Variants in NT5DC3 observed in about 807,000 individuals in gnomAD.
NT5DC3 encodes 5'-nucleotidase domain containing 3.
Under a neutral mutation model 67.8 loss-of-function variants are expected in NT5DC3, and 42 were observed. The observed-to-expected ratio is 0.62, with a 90% confidence interval of 0.48 to 0.80. NT5DC3 has a LOEUF of 0.80. NT5DC3 is among the 30% of genes least tolerant of loss of function. The probability of loss-of-function intolerance (pLI) is 0.00; values close to 1 mark genes in which losing one functional copy is unlikely to be tolerated. For missense variants in NT5DC3, 570 were observed against 696.4 expected, an observed-to-expected ratio of 0.82 and a Z score of 2.04; for synonymous variants, 237 against 255.6, an observed-to-expected ratio of 0.93 and a Z score of 0.69.
chr12:103,761,292 T>G, the NT5DC3 span: 5 of 1,613,324 alleles, frequency 3.1e-6, no homozygotes, highest in Non-Finnish European at 4.2e-6. Context: ...CTCTTCTCAT[T>G]TCCCTAGACG....
At chr12:103,769,320 A>C (rs930651736), downstream of NT5DC3, among the ~76,000 whole-genome samples, 3 of 152,184 alleles carry the variant, frequency 2.0e-5, no homozygotes, top group Non-Finnish European at 4.4e-5. Flanking sequence ...ACATGAGGTA[A>C]TATGAGCCAA....
Position 103,806,931 on chromosome 12 carries a change from TA to T in NT5DC3, c.394-3del. ...ATACTTCCTGATTTCTGCTGGATACTAAGAAAGAAGAAAGGAACTGGTTTTA... is the reference window on the plus strand; with the variant it reads ...ATACTTCCTGATTTCTGCTGGATACTAGAAAGAAGAAAGGAACTGGTTTTA... On this transcript the variant is annotated splice_polypyrimidine_tract_variant and splice_region_variant and intron_variant, in intron 2 of 13. Transcript: ENST00000392876. 6.3e-7 allele frequency: 1 copy of T among 1,582,854 alleles called. No individual in the cohort carries two copies. The highest frequency in any genetic ancestry group is 8.7e-7 in the Non-Finnish European group (1 of 1,151,630).
chr12:103,795,836 C>T lies in NT5DC3; in HGVS notation c.753+1058G>A, dbSNP rs545817550. Among the ~76,000 whole-genome samples the T allele has an allele frequency of 2.6e-5, 4 of 152,194 alleles. No homozygotes were observed. The East Asian group carries it at 5.8e-4, about 22-fold the overall frequency. On this transcript the variant is annotated intron_variant, in intron 6 of 13. Coordinates refer to ENST00000392876, the MANE Select transcript of NT5DC3 (RefSeq NM_001031701.3). ...AATTTATAAATACAAATGATTTGTA[C>T]AGTAAGTCCTTAACATCTTCAGTAG...
intron 10 of NT5DC3, 49 bp from the exon 11 acceptor site, chr12:103,787,576 T>TA: frequency 1.9e-6 from 2 of 1,069,764 alleles, no homozygotes; most frequent in Non-Finnish European, 2.8e-6. Flanking sequence ...TAGAGATCTG[T>TA]CTAACCCACA....
chr12:103,778,496 A>G (rs1885421068), intron 13 of NT5DC3, among the ~76,000 whole-genome samples: 1 of 152,158 alleles, frequency 6.6e-6, no homozygotes, highest in Non-Finnish European at 1.5e-5. Context: ...ATGCCACTGC[A>G]CTCCAGCCTG....
At chr12:103,759,316 C>T in the NT5DC3 span, 1 of 1,603,898 alleles carries the variant, frequency 6.2e-7, no homozygotes, top group Admixed American at 1.7e-5. Context: ...GGAGATAATG[C>T]ATGCAAAGTT....
At chr12:103,820,849 G>C (rs371230284) in intron 1 of NT5DC3, 1 of 152,222 alleles carries the variant, frequency 6.6e-6, no homozygotes, top group Admixed American at 6.5e-5. Flanking sequence ...CTGACAAACC[G>C]AGGTCCCAAA....
the NT5DC3 span, among the ~76,000 whole-genome samples, chr12:103,757,054 A>ATT: frequency 6.8e-6 from 1 of 146,714 alleles, no homozygotes; most frequent in Non-Finnish European, 1.5e-5. Flanking sequence ...TAAAGTATGT[A>ATT]AATATATATT....
At chr12:103,765,838 G>A (rs564310042), downstream of NT5DC3, among the ~76,000 whole-genome samples, 2 of 152,278 alleles carry the variant, frequency 1.3e-5, no homozygotes, top group East Asian at 1.9e-4. Flanking sequence ...CACCATGCCC[G>A]GCTGAGCGGG....
chr12:103,765,269 A>G, the NT5DC3 span, among the ~76,000 whole-genome samples: 3 of 152,160 alleles, frequency 2.0e-5, no homozygotes, highest in African/African-American at 7.2e-5. Context: ...TATCAGCACC[A>G]TGCATGAAAG....
chr12:103,807,515 C>A (rs1301889473), intron 2 of NT5DC3, among the ~76,000 whole-genome samples: 1 of 152,248 alleles, frequency 6.6e-6, no homozygotes, highest in Non-Finnish European at 1.5e-5. Context: ...TTGCTTCTCT[C>A]ATCTGGATAG....
the NT5DC3 span, chr12:103,762,465 G>A: frequency 1.2e-6 from 2 of 1,609,410 alleles, no homozygotes; most frequent in African/African-American, 2.7e-5. Context: ...CCCTGGACCT[G>A]GGCTGCTTCA....
chr12:103,840,614 G>A (rs1489513932), intron 1 of NT5DC3, among the ~76,000 whole-genome samples: 1 of 152,060 alleles, frequency 6.6e-6, no homozygotes. Flanking sequence ...GGGAGTGGCC[G>A]GCTCCCAAGG....
chr12:103,749,079 T>G, the NT5DC3 span: 1 of 1,614,142 alleles, frequency 6.2e-7, no homozygotes, highest in Non-Finnish European at 8.5e-7. Context: ...CGGGCACAGC[T>G]GCACAGAGAT....
chr12:103,768,087 C>CAAAA (rs34935949), downstream of NT5DC3, among the ~76,000 whole-genome samples: 3 of 87,188 alleles, frequency 3.4e-5, no homozygotes, highest in East Asian at 7.1e-4. Context: ...GACTCCTTCT[C>CAAAA]AAAAAAAAAA....
intron 2 of NT5DC3, among the ~76,000 whole-genome samples, chr12:103,814,091 G>A (rs370189683): frequency 1.5e-4 from 23 of 152,278 alleles, no homozygotes; most frequent in East Asian, 3.9e-4. Context: ...ATCTACCCAC[G>A]TGACCGACGA....
At chr12:103,749,095 C>A in the NT5DC3 span, 1 of 1,613,926 alleles carries the variant, frequency 6.2e-7, no homozygotes, top group Non-Finnish European at 8.5e-7. Flanking sequence ...GAGATAGACC[C>A]CTGTGCAGAC....
intron 3 of NT5DC3, 83 bp from the exon 4 acceptor site, chr12:103,806,460 T>G: frequency 4.1e-6 from 4 of 969,604 alleles, no homozygotes; most frequent in Non-Finnish European, 6.6e-6. Flanking sequence ...TCATCATATA[T>G]CCTATCAACA....
At chr12:103,758,224 C>T in the NT5DC3 span, 1 of 1,614,154 alleles carries the variant, frequency 6.2e-7, no homozygotes, top group Admixed American at 1.7e-5. Flanking sequence ...TCTAGAACAC[C>T]TGACTGACCT....
Sources: gnomAD v4.1 joint callset for allele counts (sites outside exome capture counted in the v4.1 genomes callset) on GRCh38, gnomAD v4.1.1 for gene constraint, MANE v1.5 for transcripts, NCBI Gene and HGNC (gene_info 2026-07-23, HGNC 2026-07-21) for gene names.